The following TTC6 variants were observed in gnomAD, a reference collection of about 807,000 sequenced individuals.
TTC6 encodes tetratricopeptide repeat domain 6, also known as tetratricopeptide repeat protein 6.
TTC6 carries 172 observed loss-of-function variants against 210.4 expected under a neutral mutation model. The ratio of observed to expected loss-of-function variants is 0.82; its 90% CI spans 0.72 to 0.93. The LOEUF is 0.93. TTC6 is among the 40% of genes least tolerant of loss of function. The pLI is 0.00. For synonymous variants in TTC6, 804 were observed against 819.6 expected (o/e 0.98, Z 0.32); for missense variants, 2,414 against 2,318.1 (o/e 1.04, Z -0.85).
intron 20 of TTC6, among the ~76,000 whole-genome samples, chr14:37,803,693 GAGAA>G (rs1352785578): frequency 6.6e-6 from 1 of 152,134 alleles, no homozygotes. Context: ...TGCAAGGAAT[GAGAA>G]AGAAAGCAAT....
At chr14:37,673,911 A>G (rs2095763499) in intron 1 of TTC6, among the ~76,000 whole-genome samples, 1 of 152,200 alleles carries the variant, frequency 6.6e-6, no homozygotes, top group South Asian at 2.1e-4. Flanking sequence ...AATTGTGTAC[A>G]GAGTTAAAAA....
At chr14:37,613,931 T>G (rs1200953287) in intron 2 of TTC6, among the ~76,000 whole-genome samples, 1 of 152,054 alleles carries the variant, frequency 6.6e-6, no homozygotes, top group Non-Finnish European at 1.5e-5. Context: ...TTTTCTCAAT[T>G]CTTTTTCTGT....
At chr14:37,772,059 T>G (rs1039695141) in intron 14 of TTC6, among the ~76,000 whole-genome samples, 2 of 152,148 alleles carry the variant, frequency 1.3e-5, no homozygotes, top group African/African-American at 2.4e-5. Context: ...TGGAGTACCC[T>G]GCCGTGTGAG....
chr14:37,653,505 A>G (rs910926553), intron 1 of TTC6, among the ~76,000 whole-genome samples: 1 of 151,564 alleles, frequency 6.6e-6, no homozygotes, highest in Non-Finnish European at 1.5e-5. Context: ...TTTCAATTTT[A>G]GCTTCTTACT....
chr14:37,803,555 G>GT (rs1176580556), intron 20 of TTC6, among the ~76,000 whole-genome samples: 1 of 152,140 alleles, frequency 6.6e-6, no homozygotes, highest in Non-Finnish European at 1.5e-5. Context: ...GAAGGCTTGA[G>GT]TAGACAAGTT....
chr14:37,647,463 A>T (rs2095703645), intron 1 of TTC6, among the ~76,000 whole-genome samples: 1 of 152,184 alleles, frequency 6.6e-6, no homozygotes, highest in Non-Finnish European at 1.5e-5. Flanking sequence ...TGTGTGTTGC[A>T]GGAGAGGAAA....
intron 10 of TTC6, among the ~76,000 whole-genome samples, chr14:37,741,438 G>A (rs767377831): frequency 1.3e-5 from 2 of 151,332 alleles, no homozygotes; most frequent in Admixed American, 6.6e-5. Flanking sequence ...ACAGGCGTGT[G>A]CCACCACACC....
chr14:37,731,294 C>T (rs577789363), intron 7 of TTC6, among the ~76,000 whole-genome samples: 110 of 152,274 alleles, frequency 7.2e-4, no homozygotes, highest in Non-Finnish European at 1.4e-3. Context: ...CTATGTAACA[C>T]ATTTGTTTTC....
chr14:37,617,997 A>G (rs1383034344), upstream of TTC6, among the ~76,000 whole-genome samples: 3 of 152,216 alleles, frequency 2.0e-5, no homozygotes, highest in Admixed American at 6.5e-5. Context: ...TTCCTAATGT[A>G]ATACTCTGAT....
chr14:37,777,889 C>G (rs1394107707), intron 14 of TTC6, among the ~76,000 whole-genome samples: 1 of 151,176 alleles, frequency 6.6e-6, no homozygotes, highest in Non-Finnish European at 1.5e-5. Context: ...GGGCCTAAGT[C>G]TTAGCTCAGC....
chr14:37,741,984 C>G (rs2095921263), intron 10 of TTC6, among the ~76,000 whole-genome samples: 1 of 152,148 alleles, frequency 6.6e-6, no homozygotes, highest in Non-Finnish European at 1.5e-5. Context: ...CAGTAGCTGG[C>G]TGACCCACAG....
chr14:37,690,914 A>G (rs1255965361), intron 3 of TTC6, among the ~76,000 whole-genome samples: 1 of 152,216 alleles, frequency 6.6e-6, no homozygotes, highest in Non-Finnish European at 1.5e-5. Flanking sequence ...TGGTTGCAGA[A>G]TACACATTCT....
intron 10 of TTC6, among the ~76,000 whole-genome samples, chr14:37,746,007 G>T (rs1420638456): frequency 2.0e-5 from 3 of 152,178 alleles, no homozygotes; most frequent in Non-Finnish European, 4.4e-5. Context: ...ACCCAAGCAA[G>T]CTGCCCATTT....
intron 6 of TTC6, among the ~76,000 whole-genome samples, chr14:37,715,316 A>G (rs2095850912): frequency 6.6e-6 from 1 of 152,190 alleles, no homozygotes; most frequent in African/African-American, 2.4e-5. Flanking sequence ...GGAGAGACTG[A>G]AAAGTATTGA....
intron 17 of TTC6, among the ~76,000 whole-genome samples, chr14:37,793,950 T>C (rs1486461132): frequency 6.6e-6 from 1 of 152,080 alleles, no homozygotes; most frequent in African/African-American, 2.4e-5. Context: ...TCCATGTAAA[T>C]AAAACAATTG....
intron 3 of TTC6, among the ~76,000 whole-genome samples, chr14:37,693,352 G>T (rs2095808019): frequency 6.6e-6 from 1 of 152,050 alleles, no homozygotes; most frequent in South Asian, 2.1e-4. Flanking sequence ...ATAAAACACT[G>T]ATGAAAGCAA....
exon 10 of TTC6, chr14:37,738,797 T>G: frequency 2.0e-6 from 3 of 1,510,230 alleles, no homozygotes; most frequent in Non-Finnish European, 2.6e-6. Flanking sequence ...TTCTGTAGAC[T>G]TGAGGAAGGA....
intron 14 of TTC6, among the ~76,000 whole-genome samples, chr14:37,786,635 G>A (rs948948458): frequency 1.3e-5 from 2 of 152,268 alleles, no homozygotes; most frequent in East Asian, 1.9e-4. Flanking sequence ...CCACTGTCCT[G>A]CACCAACTGT....
intron 3 of TTC6, among the ~76,000 whole-genome samples, chr14:37,695,432 G>A (rs970999050): frequency 2.6e-5 from 4 of 152,062 alleles, no homozygotes; most frequent in African/African-American, 7.2e-5. Flanking sequence ...TTGGCTCACC[G>A]CAACCTATGC....
Sources: allele counts gnomAD v4.1 joint callset (sites outside exome capture counted in the v4.1 genomes callset), GRCh38; gene constraint gnomAD v4.1.1; transcripts MANE v1.5; gene names NCBI Gene and HGNC (gene_info 2026-07-23, HGNC 2026-07-21).